The following ZNF236 variants were observed in gnomAD, a reference collection of about 807,000 sequenced individuals.
The protein encoded by ZNF236 is zinc finger protein 236.
ZNF236 carries 50 observed loss-of-function variants against 191.2 expected under a neutral mutation model. The observed-to-expected ratio is 0.26, with a 90% confidence interval of 0.21 to 0.33. The LOEUF (loss-of-function observed/expected upper bound fraction) is 0.33, where lower values mean the gene tolerates loss of function less well. Among genes scored for constraint, ZNF236 ranks in the 10% least tolerant of loss-of-function variants. The pLI is 1.00. For synonymous variants in ZNF236, 907 were observed against 928.8 expected, an observed-to-expected ratio of 0.98 and a Z score of 0.43; for missense variants, 1,754 against 2,374.5, an observed-to-expected ratio of 0.74 and a Z score of 5.43.
In ZNF236 at chr18:76,822,578, TG is replaced by T; in HGVS notation, c.-27del. 1 of 148,132 alleles carries T rather than the reference TG, an allele frequency of 6.8e-6. No homozygotes were observed. The highest frequency in any genetic ancestry group is 1.5e-5 in the Non-Finnish European group (1 of 67,594). 9.2% of individuals were successfully genotyped at this position (148,132 alleles called of 1,614,324 possible). The stretch of plus-strand genomic sequence containing the variant: ...GTGTGAGTGTGAGTGTGAGTGTGAG[TG>T]GGTGTGGGTGCGAGCCGGGCCGCCG... On this transcript the variant is annotated 5_prime_UTR_variant, in exon 1 of 31. Transcript: ENST00000320610.
chr18:76,963,333 A>G (rs1232318485), intron 30 of ZNF236, among the ~76,000 whole-genome samples: 2 of 152,144 alleles, frequency 1.3e-5, no homozygotes, highest in African/African-American at 4.8e-5. Context: ...AGAAATGATC[A>G]TGTGGTTTTT....
intron 27 of ZNF236, among the ~76,000 whole-genome samples, chr18:76,952,603 G>A (rs1204928289): frequency 6.6e-6 from 1 of 152,150 alleles, no homozygotes; most frequent in Admixed American, 6.5e-5. Context: ...ATGCTTTCTG[G>A]CCAGGAGCCC....
At chr18:76,937,070 C>A in intron 25 of ZNF236, 86 bp from the exon 26 acceptor site, 2 of 1,265,004 alleles carry the variant, frequency 1.6e-6, no homozygotes, top group Non-Finnish European at 2.2e-6. Flanking sequence ...CTGCTTCCTG[C>A]AGGTGGGAGC....
intron 17 of ZNF236, 49 bp downstream of exon 17, chr18:76,912,396 G>C (rs375536321): frequency 3.4e-5 from 48 of 1,411,968 alleles, no homozygotes; most frequent in Non-Finnish European, 4.7e-5. Context: ...TCCCAGGAAC[G>C]GATGCTGCTG....
chr18:76,869,938 A>G (rs1460907293), intron 4 of ZNF236, among the ~76,000 whole-genome samples: 1 of 152,252 alleles, frequency 6.6e-6, no homozygotes, highest in Non-Finnish European at 1.5e-5. Context: ...CCTGGGCGAC[A>G]CAGCGAGACT....
chr18:76,956,121 G>A lies in ZNF236; in HGVS notation c.5051G>A (p.Arg1684Gln), dbSNP rs777217359. The A allele has an allele frequency of 1.6e-5, 25 of 1,575,824 alleles. No individual in the cohort carries two copies. Among genetic ancestry groups the A allele is most frequent in the East Asian group, 2.3e-5 (1 of 43,188 alleles). The change falls in exon 28 of 31, where the codon CGG becomes CAG. Residue 1684 changes from arginine (R) to glutamine (Q), a missense_variant. Coordinates refer to ENST00000320610, the MANE Select transcript of ZNF236 (RefSeq NM_001306089.2). ...CACCACAGCAAGGAGGTGCATGGCCGGGAGCGCATCCACGGCTGCCCCGTG... is the reference window on the plus strand; with the variant it reads ...CACCACAGCAAGGAGGTGCATGGCCAGGAGCGCATCCACGGCTGCCCCGTG... ...LMHHSKEVHG[R>Q]ERIHGCPVCR...
At chr18:76,958,161 G>C (rs912987155) in intron 28 of ZNF236, among the ~76,000 whole-genome samples, 4 of 152,150 alleles carry the variant, frequency 2.6e-5, no homozygotes, top group Admixed American at 2.6e-4. Flanking sequence ...AGCAGAGCCA[G>C]GCCGACAGGT....
chr18:76,833,925 A>C (rs1975241814), intron 1 of ZNF236, among the ~76,000 whole-genome samples: 1 of 152,158 alleles, frequency 6.6e-6, no homozygotes, highest in Non-Finnish European at 1.5e-5. Flanking sequence ...TCCTAGGTTC[A>C]GGCAGTCCTC....
rs1968891057 is a variant in ZNF236, at chr18:76,970,502, A to G, written c.*2163A>G. The G allele has an allele frequency of 6.6e-6, 1 of 152,640 alleles. No individual in the cohort carries two copies. Among genetic ancestry groups the G allele is most frequent in the Non-Finnish European group, 1.5e-5 (1 of 68,026 alleles). 9.5% of individuals were successfully genotyped at this position (152,640 alleles called of 1,614,324 possible). Reference sequence around the variant, plus strand: ...TATAAAAGCTGCTTTTTTGCAGAACATTCCTTGAAAATATAAGGTTTTGAA... The same window carrying G: ...TATAAAAGCTGCTTTTTTGCAGAACGTTCCTTGAAAATATAAGGTTTTGAA... On this transcript the variant is annotated 3_prime_UTR_variant, in exon 31 of 31. Transcript: ENST00000320610.
intron 3 of ZNF236, 45 bp downstream of exon 3, chr18:76,851,984 A>G: frequency 6.5e-7 from 1 of 1,536,964 alleles, no homozygotes; most frequent in Non-Finnish European, 8.8e-7. Context: ...TGATTGTTAA[A>G]ATACATCTGA....
At chr18:76,898,004 A>G (rs1257108666) in intron 10 of ZNF236, 2 of 152,214 alleles carry the variant, frequency 1.3e-5, no homozygotes, top group Non-Finnish European at 2.9e-5. Flanking sequence ...AACACTTATA[A>G]ATGAACGTAG....
rs1209603807 is a variant in ZNF236, at chr18:76,927,973, C to A, written c.4461C>A (p.Ser1487=). 1 of 1,613,198 alleles carries A rather than the reference C, an allele frequency of 6.2e-7. No homozygotes were observed. Among genetic ancestry groups the A allele is most frequent in the Non-Finnish European group, 8.5e-7 (1 of 1,179,656 alleles). The change falls in exon 25 of 31, where the codon TCC becomes TCA. Residue 1487 remains serine (S), a synonymous_variant. Coordinates refer to ENST00000320610, the MANE Select transcript of ZNF236 (RefSeq NM_001306089.2). This position sits in a 1 kb window ranked among gnomAD's most constrained non-coding sequence, Gnocchi z 5.4. ...TQVMTSQGLV[S]PSGGPHEITL... Reference sequence around the variant, plus strand: ...TGATGACTTCGCAAGGTCTAGTGTCCCCCTCCGGCGGTCCCCACGAGATCA... The same window carrying A: ...TGATGACTTCGCAAGGTCTAGTGTCACCCTCCGGCGGTCCCCACGAGATCA...
At chr18:76,858,126 C>T (rs900048682) in intron 3 of ZNF236, among the ~76,000 whole-genome samples, 3 of 152,230 alleles carry the variant, frequency 2.0e-5, no homozygotes, top group South Asian at 2.1e-4. Flanking sequence ...ACATAATAAT[C>T]GGGTAGTAAG....
chr18:76,960,890 G>C lies in ZNF236; in HGVS notation c.5419+35G>C. 6.3e-7 allele frequency: 1 copy of C among 1,576,792 alleles called. No individual in the cohort carries two copies. The highest frequency in any genetic ancestry group is 8.6e-7 in the Non-Finnish European group (1 of 1,159,674). Reference sequence around the variant, plus strand: ...CTGCACCCGGGAGTGCGTGCTGTTCGGTGGCCTGCGAGGCACCCTGTGTTT... The same window carrying C: ...CTGCACCCGGGAGTGCGTGCTGTTCCGTGGCCTGCGAGGCACCCTGTGTTT... On this transcript the variant is annotated intron_variant, in intron 30 of 30. Coordinates refer to ENST00000320610, the MANE Select transcript of ZNF236 (RefSeq NM_001306089.2). This position sits in a 1 kb window ranked among gnomAD's most constrained non-coding sequence, Gnocchi z 4.4.
intron 4 of ZNF236, among the ~76,000 whole-genome samples, chr18:76,869,152 C>G (rs1316959761): frequency 6.6e-6 from 1 of 152,208 alleles, no homozygotes; most frequent in Non-Finnish European, 1.5e-5. Context: ...AATATGTCAA[C>G]TAGACTCACA....
Position 76,970,336 on chromosome 18 carries a change from A to G in ZNF236, c.*1997A>G, listed in dbSNP as rs1968888072. 6.6e-6 allele frequency: 1 copy of G among 152,654 alleles called. No homozygotes were observed. Among genetic ancestry groups the G allele is most frequent in the Non-Finnish European group, 1.5e-5 (1 of 68,042 alleles). 9.5% of individuals were successfully genotyped at this position (152,654 alleles called of 1,614,324 possible). ...AATTGTATTGGTTAATTGACTGTTT[A>G]AGGCCTTAACAGGTGAATCTAGAGC... On this transcript the variant is annotated 3_prime_UTR_variant, in exon 31 of 31. Coordinates refer to ENST00000320610, the MANE Select transcript of ZNF236 (RefSeq NM_001306089.2).
chr18:76,895,864 C>G (rs899762987), intron 10 of ZNF236, among the ~76,000 whole-genome samples: 2 of 147,188 alleles, frequency 1.4e-5, no homozygotes, highest in Non-Finnish European at 3.1e-5. Context: ...GTATCACACA[C>G]AGGTATGGCC....
At chr18:76,863,986 G>C (rs1387594459) in intron 3 of ZNF236, among the ~76,000 whole-genome samples, 1 of 152,120 alleles carries the variant, frequency 6.6e-6, no homozygotes, top group Non-Finnish European at 1.5e-5. Context: ...TAAGCAGATT[G>C]CCCTCCATGA....
At chr18:76,828,458 A>T (rs186836392) in intron 1 of ZNF236, among the ~76,000 whole-genome samples, 4 of 152,170 alleles carry the variant, frequency 2.6e-5, no homozygotes, top group Non-Finnish European at 5.9e-5. Context: ...GTGAGCCCCC[A>T]CGCCTGCCAG....
Sources: gnomAD v4.1 joint callset for allele counts (sites outside exome capture counted in the v4.1 genomes callset) on GRCh38, gnomAD v4.1.1 for gene constraint, Gnocchi (gnomAD v3.1) non-coding constraint, MANE v1.5 for transcripts, NCBI Gene and HGNC (gene_info 2026-07-23, HGNC 2026-07-21) for gene names.